SNX18: variants seen among roughly 807,000 people sequenced by gnomAD.
SNX18 encodes the protein sorting nexin 18, also known as sorting nexin-18.
Under a neutral mutation model 48.7 loss-of-function variants are expected in SNX18, and 35 were observed. The observed-to-expected ratio is 0.72, with a 90% confidence interval of 0.55 to 0.95. The LOEUF (loss-of-function observed/expected upper bound fraction) is 0.95, where lower values mean the gene tolerates loss of function less well. SNX18 is among the 40% of genes least tolerant of loss of function. SNX18 has a pLI of 0.00. For missense variants in SNX18, 824 were observed against 871.0 expected, an observed-to-expected ratio of 0.95 and a Z score of 0.68; for synonymous variants, 492 against 384.7, an observed-to-expected ratio of 1.28 and a Z score of -3.26.
chr5:54,600,396 C>T, the SNX18 span, among the ~76,000 whole-genome samples: 2 of 152,182 alleles, frequency 1.3e-5, no homozygotes, highest in East Asian at 3.8e-4. Context: ...TAAATTAGTT[C>T]AACCATTATG....
At chr5:54,609,751 G>T in the SNX18 span, among the ~76,000 whole-genome samples, 3 of 152,238 alleles carry the variant, frequency 2.0e-5, no homozygotes, top group East Asian at 5.8e-4. Flanking sequence ...TTGCCATGCC[G>T]TGGTGATATA....
the SNX18 span, among the ~76,000 whole-genome samples, chr5:54,603,237 T>C: frequency 4.7e-5 from 7 of 149,516 alleles, no homozygotes; most frequent in African/African-American, 1.7e-4. Context: ...TAAAAATATA[T>C]ATATATATAT....
the SNX18 span, among the ~76,000 whole-genome samples, chr5:54,616,620 T>A: frequency 6.6e-6 from 1 of 151,948 alleles, no homozygotes; most frequent in African/African-American, 2.4e-5. Context: ...ATACAAAAAA[T>A]TAGCCAGGCG....
At chr5:54,647,439 G>A in the SNX18 span, among the ~76,000 whole-genome samples, 99,241 of 152,086 alleles carry the variant, frequency 0.65, 32,604 homozygotes, top group East Asian at 0.72. Flanking sequence ...GTATAGAGGT[G>A]TTCACCTAGA....
At chr5:54,608,998 C>T in the SNX18 span, among the ~76,000 whole-genome samples, 1 of 152,210 alleles carries the variant, frequency 6.6e-6, no homozygotes, top group Admixed American at 6.5e-5. Context: ...CTGGGCAGCT[C>T]AGCTGCTAAT....
chr5:54,541,435 G>A (rs11741920), intron 1 of SNX18, among the ~76,000 whole-genome samples: 19,674 of 152,186 alleles, frequency 0.13, 1,585 homozygotes, highest in Middle Eastern at 0.24. Flanking sequence ...TTATGTTGGG[G>A]AGATGTCTTT....
the SNX18 span, among the ~76,000 whole-genome samples, chr5:54,575,219 C>T: frequency 1.4e-4 from 21 of 152,040 alleles, no homozygotes; most frequent in South Asian, 8.3e-4. Flanking sequence ...GCCACCACGC[C>T]GGAGAGAAAG....
chr5:54,524,865 A>G (rs946081246), intron 1 of SNX18, among the ~76,000 whole-genome samples: 24 of 152,260 alleles, frequency 1.6e-4, no homozygotes, highest in African/African-American at 5.3e-4. Context: ...CAGGTCAGCC[A>G]GCCTCGGCAG....
intron 1 of SNX18, among the ~76,000 whole-genome samples, chr5:54,536,886 C>T (rs1448328330): frequency 6.6e-6 from 1 of 152,212 alleles, no homozygotes; most frequent in African/African-American, 2.4e-5. Context: ...TCCTCTCCAG[C>T]ACCTGTTGTT....
downstream of SNX18, among the ~76,000 whole-genome samples, chr5:54,551,047 G>A (rs990520572): frequency 6.8e-6 from 1 of 146,870 alleles, no homozygotes; most frequent in African/African-American, 2.5e-5. Flanking sequence ...TAAAAATAAC[G>A]AAATGAATGT....
chr5:54,552,089 T>C, the SNX18 span, among the ~76,000 whole-genome samples: 1 of 152,212 alleles, frequency 6.6e-6, no homozygotes, highest in African/African-American at 2.4e-5. Flanking sequence ...GTGCTGGCTT[T>C]GTTCCGCTGT....
At chr5:54,635,108 T>TA in the SNX18 span, among the ~76,000 whole-genome samples, 2 of 151,862 alleles carry the variant, frequency 1.3e-5, no homozygotes, top group Non-Finnish European at 2.9e-5. Flanking sequence ...AAAATGTGTT[T>TA]ATGTCTCCTT....
In SNX18 at chr5:54,518,723, G is replaced by A. The variant is rs1160846101; in HGVS notation, c.771G>A (p.Lys257=). ...CAGGCTTCGTGAAGGACGGGGACAA[G>A]CTGTGCGTGGTGCTGGGGCCCTATG... ...EASGFVKDGD[K]LCVVLGPYGP... Residue 257 remains lysine (K), a synonymous_variant, in exon 1 of 2, where the codon AAG becomes AAA. Coordinates refer to ENST00000381410, the MANE Select transcript of SNX18 (RefSeq NM_001102575.2). 10 of 1,601,494 alleles carry A rather than the reference G, an allele frequency of 6.2e-6. No homozygotes were observed. The African/African-American group carries it at 1.1e-4, about 17-fold the overall frequency.
chr5:54,578,870 T>C, the SNX18 span, among the ~76,000 whole-genome samples: 1 of 152,208 alleles, frequency 6.6e-6, no homozygotes. Context: ...GGTGGGGAGA[T>C]GCAGGAATGT....
At chr5:54,589,248 T>C in the SNX18 span, among the ~76,000 whole-genome samples, 1 of 152,164 alleles carries the variant, frequency 6.6e-6, no homozygotes, top group African/African-American at 2.4e-5. Flanking sequence ...ATTTGTTCCA[T>C]TTCACTAGCT....
At chr5:54,549,706 C>T (rs1048329350), downstream of SNX18, among the ~76,000 whole-genome samples, 2 of 152,212 alleles carry the variant, frequency 1.3e-5, no homozygotes, top group Non-Finnish European at 2.9e-5. Flanking sequence ...ATTCTTTTCA[C>T]ATCCTGAAAA....
chr5:54,526,043 G>A (rs1375262000), intron 1 of SNX18, among the ~76,000 whole-genome samples: 1 of 152,108 alleles, frequency 6.6e-6, no homozygotes, highest in African/African-American at 2.4e-5. Flanking sequence ...TGAAGCTGTG[G>A]TATGGTAGAC....
In SNX18 at chr5:54,519,403, C is replaced by G. The variant is rs1761964409; in HGVS notation, c.1451C>G (p.Ala484Gly). 1.2e-6 allele frequency: 2 copies of G among 1,613,538 alleles called. No homozygotes were observed. Among genetic ancestry groups the G allele is most frequent in the Non-Finnish European group, 1.7e-6 (2 of 1,179,930 alleles). The change falls in exon 1 of 2, where the codon GCC becomes GGC. Residue 484 changes from alanine to glycine, a missense_variant. Ala to Gly is a moderately conservative substitution (Grantham distance 60, BLOSUM62 0). Around this residue, in one of 3 missense-constraint regions of SNX18, gnomAD observed 443 missense variants for 503.6 expected, o/e 0.88. Transcript: ENST00000381410. The stretch of plus-strand genomic sequence containing the variant: ...CAGGCCTTTGAGCTGGACCAGCAGG[C>G]CTTCTCGGTGGGCCTGAACCAGGCT... ...LSQAFELDQQ[A>G]FSVGLNQAIA...
At position 54,530,744 on chromosome 5, in the gene SNX18, A is replaced by ATTTTTTTTTTTTTTTTTTTTT. The variant is rs70986692; in HGVS notation, c.1621+11177_1621+11197dup. ...TGCAGACAGGAGCTGAACCACAGAA[A>ATTTTTTTTTTTTTTTTTTTTT]TTTTTTTTTTTTTTTTTTTTTTTTT... On this transcript the variant is annotated intron_variant, in intron 1 of 1. Coordinates refer to ENST00000381410, the MANE Select transcript of SNX18 (RefSeq NM_001102575.2). 6.9e-5 allele frequency among the ~76,000 whole-genome samples: 5 copies of ATTTTTTTTTTTTTTTTTTTTT among 72,510 alleles called. 1 individual carries two copies. The highest frequency in any genetic ancestry group is 2.1e-4 in the Admixed American group (1 of 4,674). 47.6% of individuals were successfully genotyped at this position (72,510 alleles called of 152,430 possible). A position where few individuals can be genotyped will look rare whatever the true frequency, so the allele number is the denominator to read the frequency against.
Sources: gnomAD v4.1 joint callset for allele counts (sites outside exome capture counted in the v4.1 genomes callset) on GRCh38, gnomAD v4.1.1 for gene constraint, gnomAD v4.1.1 regional missense constraint, MANE v1.5 for transcripts, NCBI Gene and HGNC (gene_info 2026-07-23, HGNC 2026-07-21) for gene names.